TTLL5: variants seen among roughly 807,000 people sequenced by gnomAD.
The protein encoded by TTLL5 is tubulin polyglutamylase TTLL5.
Under a neutral mutation model 168.4 loss-of-function variants are expected in TTLL5, and 132 were observed. The ratio of observed to expected loss-of-function variants is 0.78; its 90% CI spans 0.68 to 0.91. The LOEUF (loss-of-function observed/expected upper bound fraction) is 0.91, where lower values mean the gene tolerates loss of function less well. TTLL5 is among the 40% of genes least tolerant of loss of function. TTLL5 has a pLI of 0.00. For missense variants in TTLL5, 1,545 were observed against 1,581.5 expected, an observed-to-expected ratio of 0.98 and a Z score of 0.39; for synonymous variants, 546 against 558.6, an observed-to-expected ratio of 0.98 and a Z score of 0.32.
intron 26 of TTLL5, among the ~76,000 whole-genome samples, chr14:75,790,299 T>C (rs570168534): frequency 1.3e-5 from 2 of 152,134 alleles, no homozygotes; most frequent in East Asian, 3.9e-4. Context: ...ACAAATCGTG[T>C]AAGTCAATAA....
At position 75,905,546 on chromosome 14, in the gene TTLL5, C is replaced by T. The variant is rs375505499; in HGVS notation, c.3823+3322C>T. On this transcript the variant is annotated intron_variant, in intron 31 of 31. Coordinates refer to ENST00000298832, the MANE Select transcript of TTLL5 (RefSeq NM_015072.5). The stretch of plus-strand genomic sequence containing the variant: ...TGGTTTTTCCTTGACTTACCAACCT[C>T]AGGCTTTATATTAGTAGTTTGCTGT... 3.9e-4 allele frequency among the ~76,000 whole-genome samples: 59 copies of T among 152,290 alleles called. No individual in the cohort carries two copies. In the South Asian group the frequency reaches 0.01, roughly 26 times the overall value.
intron 30 of TTLL5, 104 bp from the exon 31 acceptor site, chr14:75,902,038 C>T: frequency 1.1e-6 from 1 of 935,970 alleles, no homozygotes; most frequent in Non-Finnish European, 1.7e-6. Context: ...GTGAATGAGC[C>T]ACAGGAGAAG....
chr14:75,893,157 A>G (rs893729977), intron 30 of TTLL5, among the ~76,000 whole-genome samples: 4 of 152,232 alleles, frequency 2.6e-5, no homozygotes, highest in Non-Finnish European at 5.9e-5. Flanking sequence ...CTCGTGGAAC[A>G]TGATATGTGA....
intron 8 of TTLL5, among the ~76,000 whole-genome samples, 192 bp downstream of exon 8, chr14:75,707,279 G>A (rs1158860433): frequency 1.3e-5 from 2 of 152,126 alleles, no homozygotes; most frequent in Non-Finnish European, 2.9e-5. Context: ...CAATATAAGA[G>A]AAAGTGCTTT....
chr14:75,787,931 A>G (rs1892465661), intron 26 of TTLL5, among the ~76,000 whole-genome samples: 1 of 152,210 alleles, frequency 6.6e-6, no homozygotes, highest in Admixed American at 6.5e-5. Context: ...ACTGAATGAT[A>G]ATGAAAAAGC....
At chr14:75,806,028 T>C (rs1414812840) in intron 27 of TTLL5, among the ~76,000 whole-genome samples, 2 of 151,524 alleles carry the variant, frequency 1.3e-5, no homozygotes, top group African/African-American at 4.9e-5. Context: ...CTCTGAAAGA[T>C]TCTTTTTTTT....
intron 20 of TTLL5, among the ~76,000 whole-genome samples, chr14:75,770,999 A>G (rs1214663725): frequency 6.6e-6 from 1 of 152,226 alleles, no homozygotes; most frequent in Non-Finnish European, 1.5e-5. Flanking sequence ...CAAAATCCAC[A>G]CTTTTGCTTT....
chr14:75,765,893 A>G (rs933609944), intron 19 of TTLL5, among the ~76,000 whole-genome samples, 169 bp from the exon 20 acceptor site: 7 of 152,176 alleles, frequency 4.6e-5, no homozygotes, highest in Admixed American at 3.9e-4. Context: ...ACAAAAATAA[A>G]TAAAAGAATA....
intron 3 of TTLL5, among the ~76,000 whole-genome samples, chr14:75,679,621 C>T (rs1884453242): frequency 6.6e-6 from 1 of 152,216 alleles, no homozygotes; most frequent in South Asian, 2.1e-4. Flanking sequence ...TATCACTATT[C>T]ATTTTTGCAT....
chr14:75,794,823 C>T (rs1035617848), intron 27 of TTLL5, among the ~76,000 whole-genome samples: 1 of 152,180 alleles, frequency 6.6e-6, no homozygotes, highest in African/African-American at 2.4e-5. Flanking sequence ...TTGCCACTGA[C>T]TCCTGTGTGA....
chr14:75,695,251 C>T (rs955593913), intron 6 of TTLL5, among the ~76,000 whole-genome samples: 14 of 152,204 alleles, frequency 9.2e-5, no homozygotes, highest in African/African-American at 3.4e-4. Flanking sequence ...AAGCCCTGGT[C>T]TCCCGTCGCG....
chr14:75,847,177 T>C (rs1896593740), intron 28 of TTLL5, among the ~76,000 whole-genome samples: 1 of 151,910 alleles, frequency 6.6e-6, no homozygotes, highest in Admixed American at 6.6e-5. Flanking sequence ...AATTTTTGTG[T>C]TTTTTAGTAG....
At chr14:75,703,301 T>C (rs1011435756) in intron 7 of TTLL5, among the ~76,000 whole-genome samples, 1 of 152,222 alleles carries the variant, frequency 6.6e-6, no homozygotes, top group East Asian at 1.9e-4. Context: ...TTCCCTATAG[T>C]AGTCATAACC....
chr14:75,843,528 A>G (rs1183439116), intron 28 of TTLL5, among the ~76,000 whole-genome samples: 1 of 152,208 alleles, frequency 6.6e-6, no homozygotes, highest in Non-Finnish European at 1.5e-5. Flanking sequence ...ATGAAATCTT[A>G]TTTTTTGTTG....
intron 31 of TTLL5, among the ~76,000 whole-genome samples, chr14:75,946,150 TGGG>T (rs1459461540): frequency 6.6e-6 from 1 of 152,076 alleles, no homozygotes; most frequent in Admixed American, 6.6e-5. Context: ...CAGGAGGAAT[TGGG>T]GGCAACATAA....
At chr14:75,897,302 A>G (rs533393882) in intron 30 of TTLL5, among the ~76,000 whole-genome samples, 1 of 152,318 alleles carries the variant, frequency 6.6e-6, no homozygotes, top group African/African-American at 2.4e-5. Context: ...ACATGTCCCA[A>G]GGAAAGAGAT....
chr14:75,672,327 A>G (rs1052298737), intron 3 of TTLL5, among the ~76,000 whole-genome samples: 3 of 151,846 alleles, frequency 2.0e-5, no homozygotes, highest in Non-Finnish European at 4.4e-5. Context: ...GCTCACTGCA[A>G]CCTCCTCCTC....
intron 8 of TTLL5, 99 bp from the exon 9 acceptor site, chr14:75,707,524 A>T: frequency 1.0e-6 from 1 of 977,860 alleles, no homozygotes; most frequent in Non-Finnish European, 1.5e-6. Flanking sequence ...GAGTGTAGGA[A>T]TGTTCTTTCT....
At chr14:75,915,178 C>T (rs1196186473) in intron 31 of TTLL5, among the ~76,000 whole-genome samples, 1 of 152,164 alleles carries the variant, frequency 6.6e-6, no homozygotes, top group African/African-American at 2.4e-5. Flanking sequence ...GAACACTGAA[C>T]TGTCTTTCTT....
Sources: allele counts gnomAD v4.1 joint callset (sites outside exome capture counted in the v4.1 genomes callset), GRCh38; gene constraint gnomAD v4.1.1; transcripts MANE v1.5; gene names NCBI Gene and HGNC (gene_info 2026-07-23, HGNC 2026-07-21).